Variants in RNF180 observed in about 807,000 individuals in gnomAD.
The protein encoded by RNF180 is ring finger protein 180.
Under a neutral mutation model 59.2 loss-of-function variants are expected in RNF180, and 38 were observed. The observed-to-expected ratio is 0.64, with a 90% CI of 0.50 to 0.84. RNF180 has a LOEUF of 0.84. Ranked by LOEUF, RNF180 falls within the 40% of genes least tolerant of loss-of-function variation. The pLI is 0.00. For missense variants in RNF180, 705 were observed against 700.9 expected, an observed-to-expected ratio of 1.01 and a Z score of -0.07; for synonymous variants, 262 against 240.3, an observed-to-expected ratio of 1.09 and a Z score of -0.84.
chr5:64,335,396 G>A (rs570634845), intron 7 of RNF180, among the ~76,000 whole-genome samples: 2 of 151,970 alleles, frequency 1.3e-5, no homozygotes, highest in East Asian at 3.9e-4. Context: ...AGGTCATAAA[G>A]ATATTTTCTT....
chr5:64,301,589 CATTTATTATTCAGCA>C (rs1336803415), intron 5 of RNF180, among the ~76,000 whole-genome samples: 2 of 151,696 alleles, frequency 1.3e-5, no homozygotes, highest in Non-Finnish European at 3.0e-5. Flanking sequence ...TATGTTCAGA[CATTTATTATTCAGCA>C]GTGAGTATGA....
chr5:64,197,228 G>A (rs1751499342), intron 1 of RNF180, among the ~76,000 whole-genome samples: 1 of 152,022 alleles, frequency 6.6e-6, no homozygotes, highest in African/African-American at 2.4e-5. Flanking sequence ...TTCTCCATAG[G>A]GACTCATCTT....
At chr5:64,204,698 T>C (rs1391842439) in intron 2 of RNF180, among the ~76,000 whole-genome samples, 1 of 152,164 alleles carries the variant, frequency 6.6e-6, no homozygotes, top group African/African-American at 2.4e-5. Context: ...AGTTCTGTCC[T>C]TTATGTGTTG....
chr5:64,241,054 A>AT, intron 5 of RNF180, among the ~76,000 whole-genome samples: 1 of 152,246 alleles, frequency 6.6e-6, no homozygotes, highest in Non-Finnish European at 1.5e-5. Flanking sequence ...TATTAAGTAT[A>AT]TATAAATGAG....
chr5:64,363,427 T>C (rs1014855485), intron 7 of RNF180, among the ~76,000 whole-genome samples: 4 of 151,670 alleles, frequency 2.6e-5, no homozygotes, highest in Non-Finnish European at 5.9e-5. Context: ...ATTTTGGGGC[T>C]CTCTATTCTG....
At chr5:64,170,913 G>A (rs1479842435) in intron 1 of RNF180, among the ~76,000 whole-genome samples, 1 of 152,156 alleles carries the variant, frequency 6.6e-6, no homozygotes, top group Non-Finnish European at 1.5e-5. Flanking sequence ...GTTCCAACAA[G>A]CCTTTTTGGT....
chr5:64,360,058 T>C (rs138619260), intron 7 of RNF180, among the ~76,000 whole-genome samples: 15,124 of 152,032 alleles, frequency 0.099, 851 homozygotes, highest in South Asian at 0.17. Context: ...AAGTTTGAAG[T>C]CAGGTAGTGT....
chr5:64,215,380 A>G (rs1752563521), intron 4 of RNF180, among the ~76,000 whole-genome samples: 1 of 152,198 alleles, frequency 6.6e-6, no homozygotes, highest in Non-Finnish European at 1.5e-5. Context: ...TTTCTTTTAA[A>G]AATAGTTAAG....
chr5:64,167,245 T>C (rs1012772965), intron 1 of RNF180, among the ~76,000 whole-genome samples: 2 of 152,162 alleles, frequency 1.3e-5, no homozygotes, highest in East Asian at 3.9e-4. Flanking sequence ...TCATAAAGAA[T>C]CAAAAATTTA....
chr5:64,357,642 A>G (rs1045255497), intron 7 of RNF180, among the ~76,000 whole-genome samples: 9 of 151,780 alleles, frequency 5.9e-5, no homozygotes, highest in Non-Finnish European at 5.9e-5. Context: ...AAAAACATAT[A>G]TTGAATGTCT....
chr5:64,317,347 G>C (rs941184139), intron 5 of RNF180, among the ~76,000 whole-genome samples: 1 of 151,994 alleles, frequency 6.6e-6, no homozygotes, highest in African/African-American at 2.4e-5. Flanking sequence ...AAAAATGTAT[G>C]TCTTAGTTTA....
At chr5:64,364,991 T>C (rs543758821) in intron 7 of RNF180, among the ~76,000 whole-genome samples, 4 of 150,476 alleles carry the variant, frequency 2.7e-5, no homozygotes, top group African/African-American at 7.4e-5. Flanking sequence ...TGGCCTGTCT[T>C]AATTTTTTCA....
chr5:64,267,861 G>T (rs1395113499), intron 5 of RNF180, among the ~76,000 whole-genome samples: 1 of 152,090 alleles, frequency 6.6e-6, no homozygotes, highest in Non-Finnish European at 1.5e-5. Flanking sequence ...GTCACTGGAA[G>T]TATCTTTAAT....
chr5:64,357,454 G>A (rs768816703), intron 7 of RNF180, among the ~76,000 whole-genome samples: 2 of 151,700 alleles, frequency 1.3e-5, no homozygotes. Flanking sequence ...CTAATTTCAA[G>A]GCTCTCTGAA....
At chr5:64,264,411 T>C (rs144306474) in intron 5 of RNF180, among the ~76,000 whole-genome samples, 11 of 152,036 alleles carry the variant, frequency 7.2e-5, no homozygotes, top group South Asian at 2.1e-4. Context: ...CCCCAGTGTG[T>C]GGTATTCCCC....
chr5:64,216,197 T>C (rs1485728710), intron 4 of RNF180, among the ~76,000 whole-genome samples: 1 of 152,132 alleles, frequency 6.6e-6, no homozygotes, highest in Non-Finnish European at 1.5e-5. Flanking sequence ...TTTTAAAGTG[T>C]ATGGCAGCAC....
At chr5:64,195,567 A>G (rs1751414412) in intron 1 of RNF180, among the ~76,000 whole-genome samples, 1 of 152,210 alleles carries the variant, frequency 6.6e-6, no homozygotes, top group Non-Finnish European at 1.5e-5. Flanking sequence ...AATTTAGTAT[A>G]ATGAAACCAA....
At chr5:64,183,660 C>T (rs2111962105) in intron 1 of RNF180, among the ~76,000 whole-genome samples, 1 of 152,178 alleles carries the variant, frequency 6.6e-6, no homozygotes, top group East Asian at 1.9e-4. Context: ...CTTGGCCAGG[C>T]TTGTCTTGAA....
At chr5:64,196,290 T>A (rs1233942809) in intron 1 of RNF180, among the ~76,000 whole-genome samples, 1 of 152,018 alleles carries the variant, frequency 6.6e-6, no homozygotes, top group Non-Finnish European at 1.5e-5. Context: ...ATAGGGCAAA[T>A]AGCATCATTA....
Sources: gnomAD v4.1 joint callset for allele counts (sites outside exome capture counted in the v4.1 genomes callset) on GRCh38, gnomAD v4.1.1 for gene constraint, MANE v1.5 for transcripts, NCBI Gene and HGNC (gene_info 2026-07-23, HGNC 2026-07-21) for gene names.